PRKD1: variants seen among roughly 807,000 people sequenced by gnomAD.
PRKD1 encodes the protein serine/threonine-protein kinase D1.
PRKD1 carries 63 observed loss-of-function variants against 95.9 expected under a neutral mutation model. The ratio of observed to expected loss-of-function variants is 0.66; its 90% CI spans 0.54 to 0.81. The LOEUF is 0.81. Ranked by LOEUF, PRKD1 falls within the 30% of genes least tolerant of loss-of-function variation. PRKD1 has a pLI of 0.00. For missense variants in PRKD1, 1,048 were observed against 1,165.3 expected (o/e 0.90, Z 1.47); for synonymous variants, 425 against 423.1 (o/e 1.00, Z -0.05).
At chr14:29,923,568 C>A (rs765346607) in intron 1 of PRKD1, among the ~76,000 whole-genome samples, 4 of 151,860 alleles carry the variant, frequency 2.6e-5, no homozygotes, top group Non-Finnish European at 5.9e-5. Flanking sequence ...ACTTTCAAAC[C>A]AAGGCACTAA....
rs939625728 is a variant in PRKD1 at position 29,630,776 on chromosome 14, C to A, written c.1638G>T (p.Lys546Asn). 1.2e-6 allele frequency: 2 copies of A among 1,614,052 alleles called. No individual in the cohort carries two copies. The highest frequency in any genetic ancestry group is 3.3e-5 in the Admixed American group (2 of 59,996). The change falls in exon 10 of 18, where the codon AAG (lysine) becomes AAT (asparagine). Residue 546 changes from lysine to asparagine, a missense_variant. Lys to Asn is a moderately conservative substitution (Grantham distance 94). Coordinates refer to ENST00000331968, the MANE Select transcript of PRKD1 (RefSeq NM_002742.3). ...IQHALMPVIP[K>N]GSSVGTGTNL... is the part of the protein sequence containing the mutation. ...TGGTTCCTGTACCCACGGAGGAGCC[C>A]TTGGGAATGACGGGCATAAGGGCAT...
intron 1 of PRKD1, among the ~76,000 whole-genome samples, chr14:29,901,334 C>T (rs74652236): frequency 0.065 from 9,879 of 152,164 alleles, 395 homozygotes; most frequent in South Asian, 0.11. Flanking sequence ...CTGGGACTAC[C>T]AGACAAATTA....
chr14:29,607,671 C>A (rs1878090795), intron 13 of PRKD1, among the ~76,000 whole-genome samples: 1 of 151,180 alleles, frequency 6.6e-6, no homozygotes, highest in African/African-American at 2.4e-5. Context: ...GTGACTACTT[C>A]ATCTCTTCTG....
chr14:29,851,233 A>G (rs1040050501), intron 1 of PRKD1, among the ~76,000 whole-genome samples: 1 of 152,202 alleles, frequency 6.6e-6, no homozygotes, highest in Non-Finnish European at 1.5e-5. Flanking sequence ...AGTGGGATTC[A>G]GTTAAACTAA....
chr14:29,865,301 T>C (rs113874469), intron 1 of PRKD1, among the ~76,000 whole-genome samples: 11 of 152,264 alleles, frequency 7.2e-5, no homozygotes, highest in Non-Finnish European at 1.3e-4. Flanking sequence ...GTTAAATAAA[T>C]AGGTTTTTTT....
intron 1 of PRKD1, among the ~76,000 whole-genome samples, chr14:29,876,308 A>G (rs886772008): frequency 6.6e-6 from 1 of 152,164 alleles, no homozygotes; most frequent in African/African-American, 2.4e-5. Flanking sequence ...ATGGGGATAA[A>G]GAACAGGTCA....
intron 1 of PRKD1, among the ~76,000 whole-genome samples, chr14:29,775,357 A>G (rs1398989477): frequency 3.3e-5 from 5 of 152,192 alleles, no homozygotes; most frequent in Admixed American, 6.5e-5. Context: ...GCATCGCCTC[A>G]CCCGGGAAAA....
intron 13 of PRKD1, among the ~76,000 whole-genome samples, chr14:29,622,308 A>C (rs1879318126): frequency 6.6e-6 from 1 of 151,968 alleles, no homozygotes; most frequent in Admixed American, 6.6e-5. Context: ...CTGGGGACTG[A>C]GGACCTCTGT....
intron 4 of PRKD1, among the ~76,000 whole-genome samples, chr14:29,653,718 G>GA (rs1239921231): frequency 6.6e-5 from 10 of 151,710 alleles, no homozygotes; most frequent in Non-Finnish European, 1.5e-4. Flanking sequence ...TTCTCCATGT[G>GA]AAAAAAATCA....
At chr14:29,748,900 T>A (rs1403611362) in intron 1 of PRKD1, among the ~76,000 whole-genome samples, 1 of 152,124 alleles carries the variant, frequency 6.6e-6, no homozygotes, top group Non-Finnish European at 1.5e-5. Flanking sequence ...ATCCTTAATG[T>A]TGTTTTGTCA....
intron 1 of PRKD1, among the ~76,000 whole-genome samples, chr14:29,905,704 AGC>A (rs1894472101): frequency 6.6e-6 from 1 of 152,216 alleles, no homozygotes; most frequent in African/African-American, 2.4e-5. Flanking sequence ...GGCTGGGAGA[AGC>A]CCTCCTCAAG....
chr14:29,738,220 CTG>C (rs1594473136), intron 1 of PRKD1, among the ~76,000 whole-genome samples: 1 of 152,294 alleles, frequency 6.6e-6, no homozygotes, highest in East Asian at 1.9e-4. Context: ...GAATTGCACA[CTG>C]TGACCACATA....
At chr14:29,923,450 T>A (rs573450580) in intron 1 of PRKD1, among the ~76,000 whole-genome samples, 2 of 152,256 alleles carry the variant, frequency 1.3e-5, no homozygotes, top group African/African-American at 4.8e-5. Flanking sequence ...CTATGTGGAA[T>A]GTGTGGAGTA....
intron 16 of PRKD1, among the ~76,000 whole-genome samples, chr14:29,584,531 G>T (rs1266524523): frequency 6.6e-6 from 1 of 151,856 alleles, no homozygotes; most frequent in Non-Finnish European, 1.5e-5. Context: ...CACAGATTGG[G>T]TATTCATTTT....
chr14:29,633,903 A>T (rs145112960), intron 8 of PRKD1, among the ~76,000 whole-genome samples: 1 of 152,224 alleles, frequency 6.6e-6, no homozygotes, highest in African/African-American at 2.4e-5. Flanking sequence ...TAACTTTGAA[A>T]CGTGAATCAA....
intron 2 of PRKD1, 59 bp downstream of exon 2, chr14:29,725,477 G>T: frequency 6.4e-7 from 1 of 1,571,596 alleles, no homozygotes; most frequent in Non-Finnish European, 8.7e-7. Flanking sequence ...ATATGCCCAA[G>T]AATTCTTCAA....
At chr14:29,918,184 A>C (rs1894958205) in intron 1 of PRKD1, among the ~76,000 whole-genome samples, 1 of 152,150 alleles carries the variant, frequency 6.6e-6, no homozygotes, top group Non-Finnish European at 1.5e-5. Context: ...TCACTGCACA[A>C]TGTATACATG....
At chr14:29,885,185 G>T (rs919064771) in intron 1 of PRKD1, among the ~76,000 whole-genome samples, 1 of 151,634 alleles carries the variant, frequency 6.6e-6, no homozygotes, top group East Asian at 1.9e-4. Flanking sequence ...CAGGGATTGC[G>T]TGGGGGACCT....
chr14:29,775,420 C>A (rs933045931), intron 1 of PRKD1, among the ~76,000 whole-genome samples: 1 of 152,214 alleles, frequency 6.6e-6, no homozygotes, highest in African/African-American at 2.4e-5. Context: ...TGACAGATGG[C>A]ACCTGGAAAA....
Sources: allele counts gnomAD v4.1 joint callset (sites outside exome capture counted in the v4.1 genomes callset), GRCh38; gene constraint gnomAD v4.1.1; transcripts MANE v1.5; gene names NCBI Gene and HGNC (gene_info 2026-07-23, HGNC 2026-07-21).